ARHGEF7: variants seen among roughly 807,000 people sequenced by gnomAD.
ARHGEF7 encodes PAK-interacting exchange factor beta.
ARHGEF7 carries 33 observed loss-of-function variants against 109.8 expected under a neutral mutation model. The ratio of observed to expected loss-of-function variants is 0.30; its 90% CI spans 0.23 to 0.40. The LOEUF is 0.40. Among genes scored for constraint, ARHGEF7 ranks in the 10% least tolerant of loss-of-function variants. The pLI is 1.00. For missense variants in ARHGEF7, 938 were observed against 1,098.5 expected (o/e 0.85, Z 2.07); for synonymous variants, 458 against 424.6 (o/e 1.08, Z -0.97).
intron 21 of ARHGEF7, 31 bp downstream of exon 21, chr13:111,301,563 T>C: frequency 6.4e-7 from 1 of 1,560,292 alleles, no homozygotes; most frequent in Non-Finnish European, 8.8e-7. Context: ...AAATCTTTTT[T>C]TTCTTTTCAA....
intron 8 of ARHGEF7, among the ~76,000 whole-genome samples, chr13:111,252,131 A>C (rs868048968): frequency 6.6e-6 from 1 of 152,240 alleles, no homozygotes; most frequent in South Asian, 2.1e-4. Context: ...CATAGAAAGC[A>C]CTAGTTAAGA....
In ARHGEF7 at chr13:111,266,844, C is replaced by T. The variant is rs2091689230; in HGVS notation, c.951-704C>T. 1.3e-5 allele frequency: 6 copies of T among 455,912 alleles called. No homozygotes were observed. The highest frequency in any genetic ancestry group is 2.2e-5 in the Non-Finnish European group (5 of 226,810). The allele number at this position is 455,912 out of a possible 1,614,324, so 28.2% of individuals were successfully genotyped here. A position where few individuals can be genotyped will look rare whatever the true frequency, so the allele number is the denominator to read the frequency against. On this transcript the variant is annotated intron_variant, in intron 8 of 21. Transcript: ENST00000646102. The surrounding 1 kb of genome is among the most constrained non-coding windows in gnomAD (Gnocchi z 4.8). ...GTTTTCAGCACACGTGCCCCTGCTC[C>T]GGGTTGTTGCTGTTGTCCTTCAGAA...
intron 2 of ARHGEF7, among the ~76,000 whole-genome samples, chr13:111,184,551 C>G (rs1448711112): frequency 6.6e-6 from 1 of 152,224 alleles, no homozygotes; most frequent in African/African-American, 2.4e-5. Context: ...AACCCTTAGC[C>G]GGTCTGCCTC....
chr13:111,127,097 A>C (rs2067614758), intron 1 of ARHGEF7, among the ~76,000 whole-genome samples: 1 of 152,250 alleles, frequency 6.6e-6, no homozygotes, highest in Non-Finnish European at 1.5e-5. Context: ...CACAGATCTT[A>C]CAGATATCGA....
chr13:111,119,537 A>G (rs1487558823), intron 1 of ARHGEF7, among the ~76,000 whole-genome samples: 3 of 152,208 alleles, frequency 2.0e-5, no homozygotes, highest in Non-Finnish European at 4.4e-5. Flanking sequence ...AATGTCAGAT[A>G]TGGATGAGAA....
chr13:111,232,825 G>A (rs990931819), intron 5 of ARHGEF7, among the ~76,000 whole-genome samples: 1 of 152,150 alleles, frequency 6.6e-6, no homozygotes, highest in Non-Finnish European at 1.5e-5. Flanking sequence ...TAGCCCTGAT[G>A]TTTTAATATT....
At chr13:111,214,266 A>G (rs1378991584) in intron 4 of ARHGEF7, among the ~76,000 whole-genome samples, 1 of 152,158 alleles carries the variant, frequency 6.6e-6, no homozygotes, top group Non-Finnish European at 1.5e-5. Context: ...ATCATACCTC[A>G]TCTCCCCTCT....
chr13:111,283,080 T>G, intron 15 of ARHGEF7, 59 bp from the exon 16 acceptor site: 1 of 1,534,864 alleles, frequency 6.5e-7, no homozygotes, highest in Non-Finnish European at 8.8e-7. Context: ...TAAGTGCCCT[T>G]TCGCGGTGAG....
intron 13 of ARHGEF7, 69 bp downstream of exon 13, chr13:111,277,742 G>C (rs1035840012): frequency 1.8e-6 from 2 of 1,116,322 alleles, no homozygotes; most frequent in African/African-American, 1.5e-5. Context: ...TTTGAATTTT[G>C]TGTTAAATAT....
chr13:111,226,358 C>A (rs1029831518), intron 5 of ARHGEF7, among the ~76,000 whole-genome samples: 1 of 152,218 alleles, frequency 6.6e-6, no homozygotes, highest in Non-Finnish European at 1.5e-5. Context: ...CTGACATCAT[C>A]GGTGAAGGTG....
At position 111,258,229 on chromosome 13, in the gene ARHGEF7, G is replaced by A. The variant is rs2090665005; in HGVS notation, c.951-9319G>A. ...GACTCCTCCCACAACCACAGGCAGT[G>A]CAGCCTGCAGCTCCAGGAGAGACTC... On this transcript the variant is annotated intron_variant, in intron 8 of 21. Transcript: ENST00000646102. This position sits in a 1 kb window ranked among gnomAD's most constrained non-coding sequence, Gnocchi z 4.4. Among the ~76,000 whole-genome samples, 4 of 150,272 alleles carry A rather than the reference G, an allele frequency of 2.7e-5. No homozygotes were observed. Among genetic ancestry groups the A allele is most frequent in the African/African-American group, 7.4e-5 (3 of 40,496 alleles).
chr13:111,270,439 A>G (rs2092046515), intron 9 of ARHGEF7, among the ~76,000 whole-genome samples: 1 of 151,934 alleles, frequency 6.6e-6, no homozygotes, highest in Non-Finnish European at 1.5e-5. Context: ...TTAACTTCAA[A>G]CTGAAACTAA....
intron 5 of ARHGEF7, among the ~76,000 whole-genome samples, chr13:111,230,022 G>A (rs80120206): frequency 0.021 from 3,195 of 152,238 alleles, 107 homozygotes; most frequent in African/African-American, 0.073. Flanking sequence ...CCTGCGTTGG[G>A]TGTAGCCCCA....
At chr13:111,141,738 G>T (rs529782170) in intron 1 of ARHGEF7, among the ~76,000 whole-genome samples, 22 of 152,106 alleles carry the variant, frequency 1.4e-4, no homozygotes, top group Non-Finnish European at 2.8e-4. Flanking sequence ...AGTACATCCT[G>T]GTTGCTTCCA....
At chr13:111,290,023 G>A (rs985233348) in intron 18 of ARHGEF7, among the ~76,000 whole-genome samples, 2 of 152,170 alleles carry the variant, frequency 1.3e-5, no homozygotes. Flanking sequence ...ACACAATAAC[G>A]TCTAAGTACA....
intron 4 of ARHGEF7, among the ~76,000 whole-genome samples, chr13:111,211,521 C>T (rs1162683008): frequency 6.6e-6 from 1 of 152,056 alleles, no homozygotes; most frequent in Admixed American, 6.6e-5. Context: ...ATTAATTTTT[C>T]ATTAGCTGCT....
chr13:111,207,238 A>T (rs2082002729), intron 3 of ARHGEF7, among the ~76,000 whole-genome samples: 1 of 152,156 alleles, frequency 6.6e-6, no homozygotes, highest in Non-Finnish European at 1.5e-5. Flanking sequence ...GTGTGATCTC[A>T]GCTCACTGAA....
intron 5 of ARHGEF7, among the ~76,000 whole-genome samples, chr13:111,225,241 T>C (rs2085036684): frequency 6.6e-6 from 1 of 152,176 alleles, no homozygotes; most frequent in Admixed American, 6.5e-5. Context: ...AGAGCTTCTC[T>C]TTTTTAAAAA....
At chr13:111,270,547 G>C (rs1018352771) in intron 9 of ARHGEF7, among the ~76,000 whole-genome samples, 1 of 151,958 alleles carries the variant, frequency 6.6e-6, no homozygotes, top group Non-Finnish European at 1.5e-5. Flanking sequence ...AAGGAGTTTT[G>C]CTTGCACATG....
Sources: allele counts gnomAD v4.1 joint callset (sites outside exome capture counted in the v4.1 genomes callset), GRCh38; gene constraint gnomAD v4.1.1; non-coding constraint Gnocchi (gnomAD v3.1); transcripts MANE v1.5; gene names NCBI Gene and HGNC (gene_info 2026-07-23, HGNC 2026-07-21).